Variants in FAM118B observed in about 807,000 individuals in gnomAD.
FAM118B encodes SIR2 antiphage like 1, also known as protein FAM118B.
A neutral mutation model predicts 38.5 loss-of-function variants in FAM118B; 24 were observed. The ratio of observed to expected loss-of-function variants is 0.62; its 90% confidence interval spans 0.45 to 0.88. The LOEUF (loss-of-function observed/expected upper bound fraction) is 0.88, where lower values mean the gene tolerates loss of function less well. Among genes scored for constraint, FAM118B ranks in the 40% least tolerant of loss-of-function variants. The pLI is 0.00. For synonymous variants in FAM118B, 138 were observed against 156.3 expected (o/e 0.88, Z 0.87); for missense variants, 334 against 420.0 (o/e 0.80, Z 1.79).
intron 1 of FAM118B, among the ~76,000 whole-genome samples, chr11:126,213,384 A>G (rs2135114489): frequency 6.6e-6 from 1 of 152,294 alleles, no homozygotes; most frequent in Non-Finnish European, 1.5e-5. Context: ...TTTCCAAGGG[A>G]GATTGGGAAA....
intron 1 of FAM118B, among the ~76,000 whole-genome samples, chr11:126,216,928 C>G (rs1174574722): frequency 6.6e-6 from 1 of 152,210 alleles, no homozygotes; most frequent in African/African-American, 2.4e-5. Context: ...GTGGCTGGAG[C>G]CTATGCTGGC....
At chr11:126,222,413 A>G (rs1280387058) in intron 1 of FAM118B, among the ~76,000 whole-genome samples, 1 of 152,240 alleles carries the variant, frequency 6.6e-6, no homozygotes, top group African/African-American at 2.4e-5. Flanking sequence ...ACAAGCATAT[A>G]CAGAATATAA....
intron 6 of FAM118B, among the ~76,000 whole-genome samples, chr11:126,254,796 C>G (rs1463639581): frequency 6.6e-6 from 1 of 152,122 alleles, no homozygotes; most frequent in Non-Finnish European, 1.5e-5. Flanking sequence ...CACTGCACTC[C>G]AGCTTGGGTG....
At chr11:126,239,777 G>T (rs1950331505) in intron 3 of FAM118B, among the ~76,000 whole-genome samples, 1 of 152,162 alleles carries the variant, frequency 6.6e-6, no homozygotes, top group Admixed American at 6.5e-5. Flanking sequence ...GCCCCCCAAA[G>T]TGCTGGGATT....
chr11:126,253,669 T>G lies in FAM118B; in HGVS notation c.568-636T>G, dbSNP rs541155638. On this transcript the variant is annotated intron_variant, in intron 5 of 8. Transcript: ENST00000533050. The surrounding 1 kb of genome is among the most constrained non-coding windows in gnomAD (Gnocchi z 5.1). Reference sequence around the variant, plus strand: ...TTTTTCTGCTGATTTTTGCACCCTCTTCACATACCTGCAGACATCTGATGG... The same window carrying G: ...TTTTTCTGCTGATTTTTGCACCCTCGTCACATACCTGCAGACATCTGATGG... 2.4e-4 allele frequency among the ~76,000 whole-genome samples: 36 copies of G among 152,302 alleles called. No homozygotes were observed. Among genetic ancestry groups the G allele is most frequent in the Non-Finnish European group, 4.6e-4 (31 of 68,008 alleles).
Position 126,225,430 on chromosome 11 carries a change from G to T in FAM118B, c.-76-3795G>T, listed in dbSNP as rs567429760. ...TGTATTCTGTGGGTGTAGAGCATCA[G>T]CATTGTCTTGGTTTCACATGCACAA... On this transcript the variant is annotated intron_variant, in intron 1 of 8. Transcript: ENST00000533050. Among the ~76,000 whole-genome samples, 41 of 152,270 alleles carry T rather than the reference G, an allele frequency of 2.7e-4. 1 individual carries two copies. In the South Asian group the frequency reaches 8.5e-3, roughly 32 times the overall value.
intron 1 of FAM118B, among the ~76,000 whole-genome samples, chr11:126,219,890 G>GTT (rs577541999): frequency 6.8e-6 from 1 of 146,836 alleles, no homozygotes; most frequent in African/African-American, 2.5e-5. Context: ...AGCTGCTTGA[G>GTT]TTTTTTTTTT....
chr11:126,220,236 C>T (rs1950045992), intron 1 of FAM118B, among the ~76,000 whole-genome samples: 1 of 152,174 alleles, frequency 6.6e-6, no homozygotes, highest in East Asian at 1.9e-4. Flanking sequence ...CACCTGCCTC[C>T]CTTGGGCCCA....
In FAM118B at chr11:126,250,370, C is replaced by T. The variant is rs547592777; in HGVS notation, c.340-136C>T. ...TCTCCCAAAGTGCTGGGATTACAGG[C>T]GTGAGCCACTGCGCCTGGCCTTTAT... On this transcript the variant is annotated intron_variant, in intron 4 of 8. Transcript: ENST00000533050. The surrounding 1 kb of genome is among the most constrained non-coding windows in gnomAD (Gnocchi z 5.1). The T allele has an allele frequency of 6.5e-6, 4 of 617,960 alleles. No individual in the cohort carries two copies. The highest frequency in any genetic ancestry group is 3.9e-5 in the South Asian group (2 of 50,998). The allele number at this position is 617,960 out of a possible 1,614,324, so 38.3% of individuals were successfully genotyped here. A position where few individuals can be genotyped will look rare whatever the true frequency, so the allele number is the denominator to read the frequency against.
intron 4 of FAM118B, chr11:126,241,282 C>T (rs940767575): frequency 2.5e-6 from 1 of 402,792 alleles, no homozygotes; most frequent in Non-Finnish European, 4.4e-6. Flanking sequence ...ATGTTGAGGA[C>T]TTTATATGTA....
chr11:126,217,044 T>C (rs1259809211), intron 1 of FAM118B, among the ~76,000 whole-genome samples: 1 of 152,156 alleles, frequency 6.6e-6, no homozygotes. Flanking sequence ...ACACACCAGC[T>C]AACCTAGCAG....
intron 3 of FAM118B, among the ~76,000 whole-genome samples, chr11:126,237,659 A>G (rs1201105376): frequency 7.4e-6 from 1 of 135,798 alleles, no homozygotes; most frequent in Non-Finnish European, 1.6e-5. Context: ...CCTGGGTAAC[A>G]TAGTGAAACC....
Position 126,262,642 on chromosome 11 carries a change from A to G in FAM118B, c.*509A>G, listed in dbSNP as rs1327084955. 6.5e-6 allele frequency: 1 copy of G among 153,248 alleles called. No homozygotes were observed. The highest frequency in any genetic ancestry group is 2.4e-5 in the African/African-American group (1 of 41,482). The allele number at this position is 153,248 out of a possible 1,614,324, so 9.5% of individuals were successfully genotyped here. ...ACTAAGCTGTATTAAAAGCTTGTTC[A>G]TTTACTTGCCAGGACCCTGGCTCTA... On this transcript the variant is annotated 3_prime_UTR_variant, in exon 9 of 9. Coordinates refer to ENST00000533050, the MANE Select transcript of FAM118B (RefSeq NM_024556.4).
At chr11:126,242,105 G>A (rs1346423097) in intron 4 of FAM118B, among the ~76,000 whole-genome samples, 1 of 151,562 alleles carries the variant, frequency 6.6e-6, no homozygotes, top group Non-Finnish European at 1.5e-5. Context: ...AATTAAAAAT[G>A]GATCAAAGAC....
At chr11:126,214,330 G>T (rs1282675087) in intron 1 of FAM118B, 1 of 143,102 alleles carries the variant, frequency 7.0e-6, no homozygotes, top group Non-Finnish European at 1.5e-5. Context: ...TCCAGTCTGG[G>T]CAACACAGCA....
In FAM118B at chr11:126,247,899, AT is replaced by A. The variant is rs560262051; in HGVS notation, c.340-2606del. On this transcript the variant is annotated intron_variant, in intron 4 of 8. Coordinates refer to ENST00000533050, the MANE Select transcript of FAM118B (RefSeq NM_024556.4). ...TATATATCTATATATATATATAGAT[AT>A]ACGTATATCTATATAGATACGTATA... Among the ~76,000 whole-genome samples the A allele has an allele frequency of 6.4e-4, 93 of 146,356 alleles. No individual in the cohort carries two copies. The East Asian group carries it at 0.018, about 28-fold the overall frequency.
rs184943677 is a variant in FAM118B, at chr11:126,252,135, C to T, written c.567+1402C>T. Among the ~76,000 whole-genome samples the T allele has an allele frequency of 1.7e-3, 259 of 152,028 alleles. No individual in the cohort carries two copies. The highest frequency in any genetic ancestry group is 5.4e-3 in the African/African-American group (223 of 41,458). On this transcript the variant is annotated intron_variant, in intron 5 of 8. Transcript: ENST00000533050. The surrounding 1 kb of genome is among the most constrained non-coding windows in gnomAD (Gnocchi z 4.7). ...CCGAATAGCTGGGATTACAGGCACC[C>T]GCCATCACGTCTGGCTAATTTTTGT...
At chr11:126,261,308 TA>T in intron 7 of FAM118B, 116 bp from the exon 8 acceptor site, 1 of 750,790 alleles carries the variant, frequency 1.3e-6, no homozygotes, top group Non-Finnish European at 2.2e-6. Context: ...GTTTCATTTC[TA>T]AATGCCCATT....
chr11:126,218,197 G>A (rs1026230649), intron 1 of FAM118B, among the ~76,000 whole-genome samples: 1 of 152,160 alleles, frequency 6.6e-6, no homozygotes, highest in Non-Finnish European at 1.5e-5. Context: ...TGGGCTCAGA[G>A]GGCCCGCTGG....
Sources: allele counts gnomAD v4.1 joint callset (sites outside exome capture counted in the v4.1 genomes callset), GRCh38; gene constraint gnomAD v4.1.1; non-coding constraint Gnocchi (gnomAD v3.1); transcripts MANE v1.5; gene names NCBI Gene and HGNC (gene_info 2026-07-23, HGNC 2026-07-21).